The following TMPRSS15 variants were observed in gnomAD, a reference collection of about 807,000 sequenced individuals.
The protein encoded by TMPRSS15 is enteropeptidase.
In TMPRSS15, 128 loss-of-function variants were observed where a neutral mutation model predicts 125.3. That is an observed-to-expected ratio of 1.02 (90% CI 0.89 to 1.18). TMPRSS15 has a LOEUF of 1.18. Among genes scored for constraint, TMPRSS15 ranks in the 50% most tolerant of loss-of-function variants. The probability of loss-of-function intolerance (pLI) is 0.00; values close to 1 mark genes in which losing one functional copy is unlikely to be tolerated. For synonymous variants in TMPRSS15, 446 were observed against 423.2 expected (o/e 1.05, Z -0.66); for missense variants, 1,283 against 1,212.7 (o/e 1.06, Z -0.86).
At chr21:18,420,446 A>AG (rs5842688) in intron 1 of TMPRSS15, among the ~76,000 whole-genome samples, 149,640 of 152,314 alleles carry the variant, frequency 0.98, 73,548 homozygotes, top group Middle Eastern at 1. Flanking sequence ...AATATTTGGA[A>AG]GTATAATAAA....
chr21:18,447,171 T>C (rs1436485237), intron 1 of TMPRSS15, among the ~76,000 whole-genome samples: 2 of 151,582 alleles, frequency 1.3e-5, no homozygotes, highest in African/African-American at 4.8e-5. Flanking sequence ...ATGGGCCAGG[T>C]GTAGTGGTTC....
At chr21:18,462,968 GAGA>G (rs1978579342) in intron 1 of TMPRSS15, among the ~76,000 whole-genome samples, 1 of 152,174 alleles carries the variant, frequency 6.6e-6, no homozygotes, top group African/African-American at 2.4e-5. Flanking sequence ...AGCTTCATAA[GAGA>G]AGGAGAAATA....
At chr21:18,463,343 A>T (rs1978590078) in intron 1 of TMPRSS15, among the ~76,000 whole-genome samples, 1 of 151,952 alleles carries the variant, frequency 6.6e-6, no homozygotes, top group Non-Finnish European at 1.5e-5. Flanking sequence ...ACAAAGATCA[A>T]AAAAGACAAA....
At chr21:18,294,718 T>A in intron 19 of TMPRSS15, 66 bp from the exon 20 acceptor site, 2 of 1,367,202 alleles carry the variant, frequency 1.5e-6, no homozygotes, top group Non-Finnish European at 2.1e-6. Context: ...AAACATCATA[T>A]AGGTTATCCT....
chr21:18,341,464 T>A lies in TMPRSS15; in HGVS notation c.1513A>T (p.Ser505Cys). ...ACCAAAGTTGGTTCTGGATAAAGAC[T>A]CCCATTGCAAATCCCATATGTTAGG... ...ISLTYGICNG[S>C]LYPEPTLVPT... Residue 505 changes from serine to cysteine, a missense_variant, in exon 13 of 25, where the codon AGT becomes TGT. Physicochemically the swap from Ser to Cys is moderately radical, Grantham distance 112. Transcript: ENST00000284885. The A allele has an allele frequency of 1.2e-6, 2 of 1,614,114 alleles. No individual in the cohort carries two copies. Among genetic ancestry groups the A allele is most frequent in the Non-Finnish European group, 1.7e-6 (2 of 1,179,984 alleles).
At position 18,305,342 on chromosome 21, in the gene TMPRSS15, C is replaced by G. The variant is rs1441391009; in HGVS notation, c.2166-7513G>C. Among the ~76,000 whole-genome samples, 35 of 152,008 alleles carry G rather than the reference C, an allele frequency of 2.3e-4. No individual in the cohort carries two copies. In the South Asian group the frequency reaches 6.0e-3, roughly 26 times the overall value. On this transcript the variant is annotated intron_variant, in intron 18 of 24. Transcript: ENST00000284885. ...TAGCTGGGACTACAGGCGCCCGCCA[C>G]CGCGCCCGGCTAATTTTTTGTATTT... is the stretch of plus-strand genomic sequence containing the variant.
At chr21:18,402,374 C>T (rs1374446390) in intron 1 of TMPRSS15, among the ~76,000 whole-genome samples, 1 of 151,822 alleles carries the variant, frequency 6.6e-6, no homozygotes, top group African/African-American at 2.4e-5. Flanking sequence ...ACTAAAAATA[C>T]AAAAATTAGC....
intron 13 of TMPRSS15, among the ~76,000 whole-genome samples, chr21:18,336,299 G>GA (rs1464400665): frequency 6.6e-6 from 1 of 152,152 alleles, no homozygotes; most frequent in Non-Finnish European, 1.5e-5. Context: ...AGAATTAATA[G>GA]ATGTAGCTTG....
intron 3 of TMPRSS15, among the ~76,000 whole-genome samples, chr21:18,384,145 T>C (rs1455801562): frequency 6.6e-6 from 1 of 152,164 alleles, no homozygotes; most frequent in African/African-American, 2.4e-5. Flanking sequence ...AAGAAGGGTA[T>C]GGATTTGTAG....
At chr21:18,376,201 T>TG (rs1491301619) in intron 5 of TMPRSS15, among the ~76,000 whole-genome samples, 3 of 550 alleles carry the variant, frequency 5.5e-3, no homozygotes, top group African/African-American at 0.016. Flanking sequence ...ACAAATCTAG[T>TG]TTTTTTTTTT....
intron 3 of TMPRSS15, among the ~76,000 whole-genome samples, chr21:18,389,514 A>G (rs2075973746): frequency 6.6e-6 from 1 of 152,162 alleles, no homozygotes; most frequent in African/African-American, 2.4e-5. Context: ...CCTAAACTCA[A>G]ATAATTTACA....
chr21:18,301,848 G>A (rs1243635568), intron 18 of TMPRSS15, among the ~76,000 whole-genome samples: 1 of 151,944 alleles, frequency 6.6e-6, no homozygotes, highest in Non-Finnish European at 1.5e-5. Flanking sequence ...CTTACTTTAG[G>A]AAAACTTTAT....
At chr21:18,423,231 C>T (rs1424491158) in intron 1 of TMPRSS15, among the ~76,000 whole-genome samples, 2 of 152,094 alleles carry the variant, frequency 1.3e-5, no homozygotes, top group Non-Finnish European at 2.9e-5. Flanking sequence ...ATTGCCTCCT[C>T]CCCCAACTGC....
Position 18,364,142 on chromosome 21 carries a change from C to G in TMPRSS15, c.773+998G>C, listed in dbSNP as rs554120563. ...CTGACTTTTAACTTTCTTTAATCAG[C>G]TATTATATGTCAATATAATGTATCA... On this transcript the variant is annotated intron_variant, in intron 7 of 24. Coordinates refer to ENST00000284885, the MANE Select transcript of TMPRSS15 (RefSeq NM_002772.3). 5.3e-5 allele frequency among the ~76,000 whole-genome samples: 8 copies of G among 152,126 alleles called. No individual in the cohort carries two copies. The East Asian group carries it at 1.5e-3, about 29-fold the overall frequency.
chr21:18,312,887 T>G, intron 18 of TMPRSS15, 58 bp downstream of exon 18: 1 of 1,600,892 alleles, frequency 6.2e-7, no homozygotes, highest in Non-Finnish European at 8.6e-7. Flanking sequence ...AAACCTAATT[T>G]GATAGTAATA....
intron 1 of TMPRSS15, among the ~76,000 whole-genome samples, chr21:18,483,516 T>C (rs1381608808): frequency 2.0e-5 from 3 of 151,876 alleles, no homozygotes; most frequent in Non-Finnish European, 4.4e-5. Flanking sequence ...GTAGTTTACA[T>C]AGCGTAACAT....
chr21:18,354,937 T>A (rs1018019709), intron 8 of TMPRSS15, among the ~76,000 whole-genome samples: 2 of 151,790 alleles, frequency 1.3e-5, no homozygotes, highest in Admixed American at 1.3e-4. Flanking sequence ...CTATTAGATA[T>A]CTTGTGATTA....
chr21:18,375,886 G>A (rs2075836832), intron 5 of TMPRSS15, among the ~76,000 whole-genome samples: 1 of 152,132 alleles, frequency 6.6e-6, no homozygotes, highest in Non-Finnish European at 1.5e-5. Flanking sequence ...AGAGTAAAAA[G>A]ACTAAAATCC....
At chr21:18,449,323 TA>T (rs2076262479) in intron 1 of TMPRSS15, among the ~76,000 whole-genome samples, 1 of 152,142 alleles carries the variant, frequency 6.6e-6, no homozygotes, top group Non-Finnish European at 1.5e-5. Context: ...ATCTTAAGTT[TA>T]TTTCATAGAT....
Sources: allele counts gnomAD v4.1 joint callset (sites outside exome capture counted in the v4.1 genomes callset), GRCh38; gene constraint gnomAD v4.1.1; transcripts MANE v1.5; gene names NCBI Gene and HGNC (gene_info 2026-07-23, HGNC 2026-07-21).